ZNF566: variants seen among roughly 807,000 people sequenced by gnomAD.
ZNF566 encodes the protein zinc finger protein 566.
ZNF566 carries 27 observed loss-of-function variants against 32.8 expected under a neutral mutation model. The ratio of observed to expected loss-of-function variants is 0.82; its 90% CI spans 0.61 to 1.14. ZNF566 has a LOEUF of 1.14. Among genes scored for constraint, ZNF566 ranks in the 50% most tolerant of loss-of-function variants. The pLI is 0.00. For missense variants in ZNF566, 402 were observed against 490.4 expected, an observed-to-expected ratio of 0.82 and a Z score of 1.70; for synonymous variants, 154 against 159.5, an observed-to-expected ratio of 0.97 and a Z score of 0.26.
chr19:36,449,698 G>A lies in ZNF566; in HGVS notation c.536C>T (p.Thr179Ile). 6.2e-7 allele frequency: 1 copy of A among 1,614,038 alleles called. No individual in the cohort carries two copies. The highest frequency in any genetic ancestry group is 8.5e-7 in the Non-Finnish European group (1 of 1,180,008). ...KFCASKEYRK[T>I]FRHGSQFATH... ...AGCAAACTGTGAGCCATGTCTAAAG[G>A]TTTTCCTATATTCTTTAGATGCACA... Residue 179 changes from threonine (T) to isoleucine (I), a missense_variant, in exon 5 of 5, where the codon ACC becomes ATC. Thr to Ile is a moderately conservative substitution (Grantham distance 89). Transcript: ENST00000452939.
intron 1 of ZNF566, among the ~76,000 whole-genome samples, chr19:36,477,309 C>T (rs2033913358): frequency 6.6e-6 from 1 of 151,998 alleles, no homozygotes; most frequent in Admixed American, 6.6e-5. Flanking sequence ...CGCGCCTGGC[C>T]ATAACTTTAT....
intron 4 of ZNF566, among the ~76,000 whole-genome samples, chr19:36,472,568 A>G (rs1252947360): frequency 6.6e-6 from 1 of 152,164 alleles, no homozygotes; most frequent in Non-Finnish European, 1.5e-5. Context: ...TGTAGGAAAA[A>G]ATCTATTTCT....
chr19:36,477,526 G>GGTTT (rs2033919341), intron 1 of ZNF566, among the ~76,000 whole-genome samples: 2 of 107,002 alleles, frequency 1.9e-5, no homozygotes, highest in Admixed American at 8.9e-5. Flanking sequence ...TTCTGTTTCT[G>GGTTT]TTTTTTTTTT....
chr19:36,482,204 C>T (rs1352320662), intron 1 of ZNF566, among the ~76,000 whole-genome samples: 2 of 152,208 alleles, frequency 1.3e-5, no homozygotes, highest in African/African-American at 4.8e-5. Flanking sequence ...CTCCCAGGTT[C>T]ACGCCATTCT....
intron 4 of ZNF566, among the ~76,000 whole-genome samples, chr19:36,462,048 G>C (rs978536321): frequency 1.3e-5 from 2 of 151,234 alleles, no homozygotes; most frequent in Middle Eastern, 3.5e-3. Flanking sequence ...GAGTGCAATG[G>C]CATGATCTCG....
Position 36,447,571 on chromosome 19 carries a change from T to C in ZNF566, c.*1406A>G, listed in dbSNP as rs554302270. 1.3e-5 allele frequency: 2 copies of C among 152,346 alleles called. No homozygotes were observed. Among genetic ancestry groups the C allele is most frequent in the African/African-American group, 4.8e-5 (2 of 41,600 alleles). 9.4% of individuals were successfully genotyped at this position (152,346 alleles called of 1,614,324 possible). On this transcript the variant is annotated 3_prime_UTR_variant, in exon 5 of 5. Coordinates refer to ENST00000452939, the MANE Select transcript of ZNF566 (RefSeq NM_001145344.1). ...TATTCAACAGAACCTTTTAAATCTG[T>C]AACTATGTTTCTATCTCTGTCCATT...
intron 1 of ZNF566, among the ~76,000 whole-genome samples, chr19:36,476,971 T>C (rs1280367870): frequency 1.3e-5 from 2 of 152,180 alleles, no homozygotes; most frequent in Non-Finnish European, 2.9e-5. Flanking sequence ...ACTGGTTTAA[T>C]AGCTACATTG....
At chr19:36,478,623 A>T (rs2033954436) in intron 1 of ZNF566, among the ~76,000 whole-genome samples, 1 of 152,052 alleles carries the variant, frequency 6.6e-6, no homozygotes, top group Admixed American at 6.6e-5. Flanking sequence ...ATGTAAAAAA[A>T]AAAAAAAAAA....
At chr19:36,461,436 C>T (rs952731060) in intron 4 of ZNF566, among the ~76,000 whole-genome samples, 17 of 152,090 alleles carry the variant, frequency 1.1e-4, no homozygotes, top group Non-Finnish European at 1.6e-4. Flanking sequence ...TTTGGGAGTC[C>T]GAGGCAGGTG....
intron 4 of ZNF566, among the ~76,000 whole-genome samples, chr19:36,454,902 C>T (rs539508312): frequency 6.6e-6 from 1 of 152,102 alleles, no homozygotes; most frequent in Non-Finnish European, 1.5e-5. Flanking sequence ...TACCCTGATA[C>T]CAAAACCAGA....
At position 36,449,511 on chromosome 19, in the gene ZNF566, G is replaced by A. The variant is rs1335491101; in HGVS notation, c.723C>T (p.Asp241=). The change falls in exon 5 of 5, where the codon GAC becomes GAT. Residue 241 remains aspartate, a synonymous_variant. Coordinates refer to ENST00000452939, the MANE Select transcript of ZNF566 (RefSeq NM_001145344.1). ...ECGKTFICGS[D]LTRHHRIHTG... is the part of the protein sequence containing the mutation. ...TGTGAATTCTGTGATGTCGAGTAAG[G>A]TCTGAGCCACAAATAAAGGTTTTTC... The A allele has an allele frequency of 3.1e-6, 5 of 1,613,924 alleles. No homozygotes were observed. The highest frequency in any genetic ancestry group is 4.2e-6 in the Non-Finnish European group (5 of 1,180,024).
intron 2 of ZNF566, 182 bp downstream of exon 2, chr19:36,476,367 C>G: frequency 1.4e-5 from 5 of 367,198 alleles, no homozygotes; most frequent in Non-Finnish European, 1.9e-5. Context: ...CTTTTTTTTT[C>G]TATGAATTGG....
chr19:36,447,555 G>A lies in ZNF566; in HGVS notation c.*1422C>T, dbSNP rs1462981622. 6.6e-6 allele frequency: 1 copy of A among 152,016 alleles called. No homozygotes were observed. Among genetic ancestry groups the A allele is most frequent in the Non-Finnish European group, 1.5e-5 (1 of 67,998 alleles). The allele number at this position is 152,016 out of a possible 1,614,324, so 9.4% of individuals were successfully genotyped here. ...TTAGAAAAAAGCATAATATTCAACA[G>A]AACCTTTTAAATCTGTAACTATGTT... On this transcript the variant is annotated 3_prime_UTR_variant, in exon 5 of 5. Transcript: ENST00000452939.
intron 4 of ZNF566, among the ~76,000 whole-genome samples, chr19:36,468,015 A>G (rs1158023985): frequency 6.6e-6 from 1 of 150,688 alleles, no homozygotes; most frequent in Non-Finnish European, 1.5e-5. Context: ...GAGAAACCCC[A>G]TCTCTACTAA....
chr19:36,458,320 A>G (rs2033371494), intron 4 of ZNF566, among the ~76,000 whole-genome samples: 1 of 152,170 alleles, frequency 6.6e-6, no homozygotes, highest in African/African-American at 2.4e-5. Flanking sequence ...CTGGAATATT[A>G]AGACTTAAAA....
At chr19:36,485,274 A>AG (rs1220968666) in intron 1 of ZNF566, among the ~76,000 whole-genome samples, 1 of 149,056 alleles carries the variant, frequency 6.7e-6, no homozygotes, top group Non-Finnish European at 1.5e-5. Flanking sequence ...ATCTCTACAA[A>AG]AAAAAAAAAA....
chr19:36,449,401 G>C lies in ZNF566; in HGVS notation c.833C>G (p.Thr278Arg). Residue 278 changes from threonine to arginine, a missense_variant, in exon 5 of 5, where the codon ACA becomes AGA. This residue lies in a region of ZNF566 where 135 missense variants were observed against 210.0 expected (regional missense o/e 0.64). Coordinates refer to ENST00000452939, the MANE Select transcript of ZNF566 (RefSeq NM_001145344.1). ...SNFTRHQRIH[T>R]GEKPYECKEC... The stretch of plus-strand genomic sequence containing the variant: ...TTTGCATTCATAAGGCTTCTCACCT[G>C]TGTGAATTCTCTGATGTCGAGTGAA... 1.2e-6 allele frequency: 2 copies of C among 1,614,134 alleles called. No homozygotes were observed. Among genetic ancestry groups the C allele is most frequent in the Non-Finnish European group, 1.7e-6 (2 of 1,180,016 alleles).
At chr19:36,468,630 T>G (rs373360444) in intron 4 of ZNF566, among the ~76,000 whole-genome samples, 1 of 151,136 alleles carries the variant, frequency 6.6e-6, no homozygotes, top group East Asian at 1.9e-4. Flanking sequence ...ATTAGGCAGC[T>G]AGTTTGGGAG....
At chr19:36,455,867 C>CA (rs1454999698) in intron 4 of ZNF566, among the ~76,000 whole-genome samples, 18 of 151,924 alleles carry the variant, frequency 1.2e-4, no homozygotes, top group Non-Finnish European at 1.2e-4. Context: ...GGTGAAACCT[C>CA]TCTCTACTAA....
Sources: gnomAD v4.1 joint callset for allele counts (sites outside exome capture counted in the v4.1 genomes callset) on GRCh38, gnomAD v4.1.1 for gene constraint, gnomAD v4.1.1 regional missense constraint, MANE v1.5 for transcripts, NCBI Gene and HGNC (gene_info 2026-07-23, HGNC 2026-07-21) for gene names.